Variants in SLC9C1 observed in about 807,000 individuals in gnomAD.
SLC9C1 encodes the protein sodium/hydrogen exchanger 10.
SLC9C1 carries 97 observed loss-of-function variants against 140.9 expected under a neutral mutation model. That is an observed-to-expected ratio of 0.69 (90% CI 0.58 to 0.82). The LOEUF is 0.82. SLC9C1 is among the 40% of genes least tolerant of loss of function. The probability of loss-of-function intolerance (pLI) is 0.00; values close to 1 mark genes in which losing one functional copy is unlikely to be tolerated. For missense variants in SLC9C1, 1,340 were observed against 1,389.3 expected, an observed-to-expected ratio of 0.96 and a Z score of 0.56; for synonymous variants, 440 against 442.6, an observed-to-expected ratio of 0.99 and a Z score of 0.07.
At chr3:112,265,344 G>A (rs1480605444) in intron 8 of SLC9C1, among the ~76,000 whole-genome samples, 2 of 152,092 alleles carry the variant, frequency 1.3e-5, no homozygotes, top group Admixed American at 1.3e-4. Flanking sequence ...ACTAATACTT[G>A]TGTAGCATTT....
At chr3:112,167,776 C>G (rs1453109709) in intron 25 of SLC9C1, among the ~76,000 whole-genome samples, 4 of 152,116 alleles carry the variant, frequency 2.6e-5, no homozygotes, top group Non-Finnish European at 5.9e-5. Context: ...CACACTGGTA[C>G]CCAAATCCAC....
At chr3:112,144,534 G>A (rs557052515) in intron 28 of SLC9C1, among the ~76,000 whole-genome samples, 178 of 152,058 alleles carry the variant, frequency 1.2e-3, no homozygotes, top group African/African-American at 3.7e-3. Context: ...AGATTGTTTT[G>A]GGCAGTATGG....
At position 112,179,516 on chromosome 3, in the gene SLC9C1, C is replaced by G; in HGVS notation, c.2919+15G>C. ...AACAAAATACAACAAAAGTCACAGG[C>G]GAAGTTTTTCTGACCTCCACTACAG... On this transcript the variant is annotated intron_variant, in intron 23 of 28. Transcript: ENST00000305815. 2 of 1,585,216 alleles carry G rather than the reference C, an allele frequency of 1.3e-6. No homozygotes were observed. The highest frequency in any genetic ancestry group is 1.7e-6 in the Non-Finnish European group (2 of 1,171,532).
intron 20 of SLC9C1, among the ~76,000 whole-genome samples, chr3:112,193,684 T>C (rs543934796): frequency 6.6e-6 from 1 of 152,162 alleles, no homozygotes; most frequent in African/African-American, 2.4e-5. Flanking sequence ...GGGCTGTTTT[T>C]CAGGTCTTGG....
chr3:112,231,158 CTTTCTCTTTCTTTCTT>C (rs2078813567), intron 13 of SLC9C1, among the ~76,000 whole-genome samples, 187 bp downstream of exon 13: 1 of 95,930 alleles, frequency 1.0e-5, no homozygotes, highest in Non-Finnish European at 2.6e-5. Flanking sequence ...TTCTTTCTTT[CTTTCTCTTTCTTTCTT>C]TTTCTTTCTT....
chr3:112,260,244 A>G (rs555743689), intron 10 of SLC9C1, among the ~76,000 whole-genome samples: 4 of 152,076 alleles, frequency 2.6e-5, no homozygotes, highest in African/African-American at 9.6e-5. Context: ...CATGAAGCTC[A>G]TAACGAAAAT....
intron 21 of SLC9C1, among the ~76,000 whole-genome samples, chr3:112,181,599 A>G (rs1277029854): frequency 6.6e-6 from 1 of 152,208 alleles, no homozygotes; most frequent in African/African-American, 2.4e-5. Context: ...ACCTAAAGAT[A>G]ATTGTAATGT....
At chr3:112,284,514 A>G (rs1405422150) in intron 2 of SLC9C1, among the ~76,000 whole-genome samples, 1 of 152,246 alleles carries the variant, frequency 6.6e-6, no homozygotes, top group African/African-American at 2.4e-5. Context: ...AATGTTACAG[A>G]AGATAAAGCT....
intron 15 of SLC9C1, among the ~76,000 whole-genome samples, chr3:112,212,586 A>C (rs894926530): frequency 2.2e-4 from 33 of 152,248 alleles, no homozygotes; most frequent in Non-Finnish European, 2.1e-4. Context: ...CAATTAGATC[A>C]ACTGGAAGAA....
At chr3:112,241,983 A>G (rs1027033777) in intron 11 of SLC9C1, among the ~76,000 whole-genome samples, 1 of 152,202 alleles carries the variant, frequency 6.6e-6, no homozygotes, top group African/African-American at 2.4e-5. Context: ...TAAGACCTCA[A>G]TTATAAAAGT....
intron 13 of SLC9C1, among the ~76,000 whole-genome samples, chr3:112,224,120 C>CA (rs2078615275): frequency 6.6e-6 from 1 of 152,180 alleles, no homozygotes; most frequent in Non-Finnish European, 1.5e-5. Context: ...CCAGCTCCCT[C>CA]ATTCACAAGG....
In SLC9C1 at chr3:112,151,929, G is replaced by A. The variant is rs757355441; in HGVS notation, c.3452C>T (p.Pro1151Leu). 2.5e-6 allele frequency: 4 copies of A among 1,604,828 alleles called. No homozygotes were observed. The highest frequency in any genetic ancestry group is 3.4e-6 in the Non-Finnish European group (4 of 1,177,534). Reference protein sequence around the residue: ...GAHSAATARSPQPCSLLGTKF... With the variant: ...GAHSAATARSLQPCSLLGTKF... ...TGTCCCCAGCAGGGAGCAAGGCTGGGGACTCCTGGCAGTGGCGGCACTGTG... is the reference window on the plus strand; with the variant it reads ...TGTCCCCAGCAGGGAGCAAGGCTGGAGACTCCTGGCAGTGGCGGCACTGTG... The change falls in exon 28 of 29, where the codon CCC (proline) becomes CTC (leucine). Residue 1151 changes from proline to leucine, a missense_variant. Coordinates refer to ENST00000305815, the MANE Select transcript of SLC9C1 (RefSeq NM_183061.3).
chr3:112,189,737 G>T (rs13071181), intron 20 of SLC9C1, among the ~76,000 whole-genome samples: 2 of 152,048 alleles, frequency 1.3e-5, no homozygotes, highest in Admixed American at 6.6e-5. Flanking sequence ...GTTCCATATG[G>T]ACTTTAAAGT....
At chr3:112,225,593 T>G (rs1354871858) in intron 13 of SLC9C1, among the ~76,000 whole-genome samples, 1 of 151,436 alleles carries the variant, frequency 6.6e-6, no homozygotes, top group Non-Finnish European at 1.5e-5. Flanking sequence ...TGTAAACTAA[T>G]TAAAATTTCC....
intron 12 of SLC9C1, among the ~76,000 whole-genome samples, chr3:112,234,374 T>G (rs920361628): frequency 1.3e-5 from 2 of 152,208 alleles, no homozygotes; most frequent in African/African-American, 4.8e-5. Flanking sequence ...ATTCTGGATA[T>G]TAGCCCTTTG....
At chr3:112,166,526 T>C (rs1056949568) in intron 26 of SLC9C1, among the ~76,000 whole-genome samples, 6 of 152,200 alleles carry the variant, frequency 3.9e-5, no homozygotes, top group African/African-American at 1.4e-4. Flanking sequence ...ACATTGTGTT[T>C]TCAGTGCAAG....
At chr3:112,152,035 G>C in intron 27 of SLC9C1, 72 bp from the exon 28 acceptor site, 1 of 1,198,070 alleles carries the variant, frequency 8.3e-7, no homozygotes, top group Non-Finnish European at 1.2e-6. Flanking sequence ...CTCCACACCT[G>C]TGGGTATTTC....
rs2077420903 is a variant in SLC9C1 at position 112,180,595 on chromosome 3, C to G, written c.2717G>C (p.Gly906Ala). The G allele has an allele frequency of 1.2e-6, 2 of 1,613,000 alleles. No individual in the cohort carries two copies. Among genetic ancestry groups the G allele is most frequent in the African/African-American group, 2.7e-5 (2 of 74,862 alleles). ...DIFEEGDEPK[G>A]IYIIISGMVK... ...CATGCCTGAAATAATGATATAGATT[C>G]CTTTGGGCTCATCACCTTCTTCAAA... The change falls in exon 22 of 29, where the codon GGA (glycine) becomes GCA (alanine). Residue 906 changes from glycine to alanine, a missense_variant. Physicochemically the swap from Gly to Ala is moderately conservative, Grantham distance 60. Coordinates refer to ENST00000305815, the MANE Select transcript of SLC9C1 (RefSeq NM_183061.3).
chr3:112,277,931 G>A, intron 4 of SLC9C1, 71 bp from the exon 5 acceptor site: 2 of 1,296,458 alleles, frequency 1.5e-6, no homozygotes, highest in South Asian at 1.5e-5. Context: ...AAATAATCAG[G>A]ATTATTGGAG....
Sources: allele counts gnomAD v4.1 joint callset (sites outside exome capture counted in the v4.1 genomes callset), GRCh38; gene constraint gnomAD v4.1.1; transcripts MANE v1.5; gene names NCBI Gene and HGNC (gene_info 2026-07-23, HGNC 2026-07-21).